The following PCDH15 variants were observed in gnomAD, a reference collection of about 807,000 sequenced individuals.
PCDH15 encodes the protein protocadherin related 15, also known as protocadherin-15.
PCDH15 carries 129 observed loss-of-function variants against 178.5 expected under a neutral mutation model. That is an observed-to-expected ratio of 0.72 (90% CI 0.63 to 0.84). PCDH15 has a LOEUF of 0.84. Ranked by LOEUF, PCDH15 falls within the 40% of genes least tolerant of loss-of-function variation. PCDH15 has a pLI of 0.00. For missense variants in PCDH15, 2,230 were observed against 2,099.9 expected, an observed-to-expected ratio of 1.06 and a Z score of -1.21; for synonymous variants, 800 against 732.0, an observed-to-expected ratio of 1.09 and a Z score of -1.50.
At chr10:54,959,169 G>A (rs1838576632) in intron 2 of PCDH15, among the ~76,000 whole-genome samples, 1 of 151,608 alleles carries the variant, frequency 6.6e-6, no homozygotes, top group African/African-American at 2.4e-5. Context: ...AAGGAGGAGG[G>A]GGAAAGGAGG....
At chr10:54,953,390 CT>C (rs1399063296) in intron 2 of PCDH15, among the ~76,000 whole-genome samples, 2 of 151,274 alleles carry the variant, frequency 1.3e-5, no homozygotes, top group Non-Finnish European at 3.0e-5. Flanking sequence ...GTAGTGTATA[CT>C]TTTAGTACAT....
intron 1 of PCDH15, among the ~76,000 whole-genome samples, chr10:55,246,368 G>A (rs997576387): frequency 2.0e-5 from 3 of 152,082 alleles, no homozygotes; most frequent in Non-Finnish European, 4.4e-5. Context: ...ATAAATACAC[G>A]TTATCTGTAT....
chr10:54,487,348 A>G (rs111392231), intron 3 of PCDH15, among the ~76,000 whole-genome samples: 6,334 of 152,116 alleles, frequency 0.042, 211 homozygotes, highest in South Asian at 0.11. Context: ...AGAAGGGTGA[A>G]GAATGGGATT....
intron 2 of PCDH15, among the ~76,000 whole-genome samples, chr10:54,958,555 T>C (rs1438288221): frequency 2.0e-5 from 3 of 151,652 alleles, no homozygotes; most frequent in South Asian, 4.1e-4. Flanking sequence ...ATATCAAAGA[T>C]AGAAACAAAC....
intron 1 of PCDH15, among the ~76,000 whole-genome samples, chr10:55,218,222 G>A (rs1413981271): frequency 6.6e-6 from 1 of 151,974 alleles, no homozygotes; most frequent in East Asian, 1.9e-4. Flanking sequence ...AAGAGGATTT[G>A]TGTTTCCAGT....
At chr10:54,954,786 T>A (rs1466275827) in intron 2 of PCDH15, among the ~76,000 whole-genome samples, 1 of 151,312 alleles carries the variant, frequency 6.6e-6, no homozygotes, top group Non-Finnish European at 1.5e-5. Flanking sequence ...TTAAAGTTTG[T>A]TGGGACTATA....
chr10:54,058,639 A>T (rs936259459), intron 18 of PCDH15, among the ~76,000 whole-genome samples: 2 of 151,926 alleles, frequency 1.3e-5, no homozygotes, highest in African/African-American at 4.8e-5. Context: ...ATGGTTGGGG[A>T]TACAACCAAA....
intron 2 of PCDH15, among the ~76,000 whole-genome samples, chr10:54,579,680 T>C (rs1330678773): frequency 1.3e-5 from 2 of 151,972 alleles, no homozygotes; most frequent in African/African-American, 4.8e-5. Flanking sequence ...AGAATATACA[T>C]TCCTCTCATC....
intron 23 of PCDH15, among the ~76,000 whole-genome samples, chr10:53,943,493 C>T (rs1040921086): frequency 6.7e-6 from 1 of 148,210 alleles, no homozygotes; most frequent in African/African-American, 2.5e-5. Context: ...CAAAAACAAA[C>T]AAACAAACAA....
At chr10:54,020,621 A>G (rs1364958035) in intron 19 of PCDH15, among the ~76,000 whole-genome samples, 4 of 151,616 alleles carry the variant, frequency 2.6e-5, no homozygotes, top group African/African-American at 9.7e-5. Context: ...AGAAAGATGG[A>G]GGCAGGGAGG....
intron 3 of PCDH15, among the ~76,000 whole-genome samples, chr10:54,859,886 T>A (rs1953809743): frequency 6.6e-6 from 1 of 151,916 alleles, no homozygotes; most frequent in Admixed American, 6.6e-5. Context: ...GATTTTTTTC[T>A]GTTCCAAATA....
intron 1 of PCDH15, among the ~76,000 whole-genome samples, chr10:55,283,065 A>C (rs1002008764): frequency 1.3e-5 from 2 of 152,174 alleles, no homozygotes; most frequent in African/African-American, 4.8e-5. Context: ...TGAGATTAGA[A>C]ATTATGGTTT....
intron 2 of PCDH15, among the ~76,000 whole-genome samples, chr10:54,654,161 G>A (rs901024303): frequency 1.3e-5 from 2 of 152,150 alleles, no homozygotes; most frequent in Admixed American, 1.3e-4. Context: ...CCACCCACCA[G>A]CTTCTGGTAA....
chr10:54,827,170 G>T (rs1953145825), intron 3 of PCDH15, among the ~76,000 whole-genome samples: 1 of 152,102 alleles, frequency 6.6e-6, no homozygotes. Context: ...GCTCTAACAG[G>T]ACAGTGATGT....
intron 2 of PCDH15, among the ~76,000 whole-genome samples, chr10:54,947,644 T>G (rs533967871): frequency 1.3e-5 from 2 of 152,052 alleles, no homozygotes; most frequent in South Asian, 4.1e-4. Flanking sequence ...TGTATTTTAA[T>G]GGAACATCTT....
chr10:54,933,772 T>C (rs1334355896), intron 2 of PCDH15, among the ~76,000 whole-genome samples: 1 of 152,100 alleles, frequency 6.6e-6, no homozygotes, highest in African/African-American at 2.4e-5. Flanking sequence ...ACTTTATCAG[T>C]GAAAAACTGC....
chr10:54,349,369 A>G (rs1052352979), intron 5 of PCDH15, among the ~76,000 whole-genome samples: 1 of 152,218 alleles, frequency 6.6e-6, no homozygotes, highest in Non-Finnish European at 1.5e-5. Flanking sequence ...ATAAATATTT[A>G]TATGACAGAA....
intron 13 of PCDH15, among the ~76,000 whole-genome samples, chr10:54,175,704 A>T (rs1394631362): frequency 1.3e-5 from 2 of 152,152 alleles, no homozygotes; most frequent in Non-Finnish European, 2.9e-5. Flanking sequence ...TCCCAATTCT[A>T]TTGTCTTTAA....
rs1554838367 is a variant in PCDH15, at chr10:53,871,480, G to GTA, written c.3502-4625_3502-4624dup. ...TGTGTGTGTGTGTGTGTGTGTGTGTGTATATACACAAAAATATAAATATGA... is the reference window on the plus strand; with the variant it reads ...TGTGTGTGTGTGTGTGTGTGTGTGTGTATATATACACAAAAATATAAATATGA... On this transcript the variant is annotated intron_variant, in intron 26 of 37. Transcript: ENST00000644397. Among the ~76,000 whole-genome samples, 104 of 150,234 alleles carry GTA rather than the reference G, an allele frequency of 6.9e-4. 1 individual carries two copies. Among genetic ancestry groups the GTA allele is most frequent in the African/African-American group, 2.4e-3 (96 of 40,602 alleles).
Sources: gnomAD v4.1 joint callset for allele counts (sites outside exome capture counted in the v4.1 genomes callset) on GRCh38, gnomAD v4.1.1 for gene constraint, MANE v1.5 for transcripts, NCBI Gene and HGNC (gene_info 2026-07-23, HGNC 2026-07-21) for gene names.